Variants in PRKAR2B observed in about 807,000 individuals in gnomAD.
PRKAR2B encodes cAMP-dependent protein kinase type II-beta regulatory subunit.
A neutral mutation model predicts 49.9 loss-of-function variants in PRKAR2B; 14 were observed. That is an observed-to-expected ratio of 0.28 (90% CI 0.19 to 0.44). The LOEUF is 0.44. PRKAR2B is among the 20% of genes least tolerant of loss of function. The probability of loss-of-function intolerance (pLI) is 1.00; values close to 1 mark genes in which losing one functional copy is unlikely to be tolerated. For missense variants in PRKAR2B, 393 were observed against 537.9 expected (o/e 0.73, Z 2.67); for synonymous variants, 196 against 197.7 (o/e 0.99, Z 0.07).
intron 5 of PRKAR2B, 22 bp downstream of exon 5, chr7:107,140,975 T>C (rs1795780964): frequency 6.5e-7 from 1 of 1,533,752 alleles, no homozygotes; most frequent in African/African-American, 1.4e-5. Context: ...CCAACCTTAC[T>C]ATTGAAATTG....
intron 2 of PRKAR2B, among the ~76,000 whole-genome samples, chr7:107,074,935 A>G (rs974602231): frequency 2.6e-5 from 4 of 152,096 alleles, no homozygotes; most frequent in Admixed American, 2.6e-4. Flanking sequence ...AAAAGATCCT[A>G]GGGTTTGAAG....
chr7:107,060,262 G>C (rs1794000921), intron 1 of PRKAR2B, among the ~76,000 whole-genome samples: 1 of 152,132 alleles, frequency 6.6e-6, no homozygotes, highest in South Asian at 2.1e-4. Flanking sequence ...AGTGTGGAAA[G>C]GTTGATTGTA....
At chr7:107,094,225 C>A (rs1392238057) in intron 2 of PRKAR2B, among the ~76,000 whole-genome samples, 1 of 152,170 alleles carries the variant, frequency 6.6e-6, no homozygotes, top group Non-Finnish European at 1.5e-5. Context: ...GAGATGGTAT[C>A]TCATTGTGGT....
At chr7:107,141,520 G>T (rs187096910) in intron 5 of PRKAR2B, among the ~76,000 whole-genome samples, 2 of 152,132 alleles carry the variant, frequency 1.3e-5, no homozygotes, top group Admixed American at 1.3e-4. Context: ...GTGAAACCCC[G>T]TCTCTACTAA....
rs1796180234 is a variant in PRKAR2B at position 107,160,592 on chromosome 7, T to C, written c.*1010T>C. 1 of 152,204 alleles carries C rather than the reference T, an allele frequency of 6.6e-6. No homozygotes were observed. The highest frequency in any genetic ancestry group is 1.5e-5 in the Non-Finnish European group (1 of 68,020). The allele number at this position is 152,204 out of a possible 1,614,324, so 9.4% of individuals were successfully genotyped here. ...CTTGGGTTTCCGTTCTTTCTTAGGA[T>C]GGTTGCCAACCCACAATCTCATTGA... On this transcript the variant is annotated 3_prime_UTR_variant, in exon 11 of 11. Transcript: ENST00000265717.
intron 3 of PRKAR2B, among the ~76,000 whole-genome samples, chr7:107,127,237 C>T (rs1795513592): frequency 1.3e-5 from 2 of 152,176 alleles, no homozygotes; most frequent in Admixed American, 1.3e-4. Flanking sequence ...AAGGTACCTG[C>T]CCATCAGCTC....
chr7:107,111,984 T>C lies in PRKAR2B; in HGVS notation c.344-9968T>C, dbSNP rs562708974. The stretch of plus-strand genomic sequence containing the variant: ...GAATTCATGACCAGCCTAAGCAATA[T>C]AGCAAGAGCCTCCTCTACCAAAAAA... On this transcript the variant is annotated intron_variant, in intron 2 of 10. Coordinates refer to ENST00000265717, the MANE Select transcript of PRKAR2B (RefSeq NM_002736.3). Among the ~76,000 whole-genome samples, 266 of 106,624 alleles carry C rather than the reference T, an allele frequency of 2.5e-3. 1 individual carries two copies. The highest frequency in any genetic ancestry group is 9.3e-3 in the African/African-American group (252 of 27,058). The allele number at this position is 106,624 out of a possible 152,430, so 69.9% of individuals were successfully genotyped here.
At chr7:107,048,278 C>T (rs1179978752) in intron 1 of PRKAR2B, among the ~76,000 whole-genome samples, 5 of 152,234 alleles carry the variant, frequency 3.3e-5, no homozygotes, top group Admixed American at 2.0e-4. Flanking sequence ...ACACATAAAA[C>T]GAGTAAGTAG....
At chr7:107,114,750 T>C (rs1795240685) in intron 2 of PRKAR2B, among the ~76,000 whole-genome samples, 2 of 152,088 alleles carry the variant, frequency 1.3e-5, no homozygotes, top group African/African-American at 4.8e-5. Flanking sequence ...TTGCTGCTTA[T>C]TTATGTATTT....
intron 2 of PRKAR2B, chr7:107,078,318 G>A (rs1170847661): frequency 6.6e-6 from 1 of 152,342 alleles, no homozygotes. Context: ...TCAAGGGTCA[G>A]AAAGAGAATT....
chr7:107,151,139 A>G (rs754847467), intron 7 of PRKAR2B, 116 bp downstream of exon 7: 11 of 553,754 alleles, frequency 2.0e-5, no homozygotes, highest in Non-Finnish European at 3.3e-5. Context: ...CCATGTTTTT[A>G]TTTGAAAAGA....
chr7:107,086,944 T>C (rs942197643), intron 2 of PRKAR2B, among the ~76,000 whole-genome samples: 7 of 152,162 alleles, frequency 4.6e-5, no homozygotes, highest in Non-Finnish European at 1.5e-5. Flanking sequence ...ACAACTATTG[T>C]TTAACACAAA....
At chr7:107,110,511 CT>C (rs1300877356) in intron 2 of PRKAR2B, among the ~76,000 whole-genome samples, 47 of 151,740 alleles carry the variant, frequency 3.1e-4, no homozygotes, top group African/African-American at 1.1e-3. Context: ...CCCTTTTCTT[CT>C]GCTTGAAGAG....
At chr7:107,083,724 T>C (rs1225811805) in intron 2 of PRKAR2B, among the ~76,000 whole-genome samples, 1 of 152,094 alleles carries the variant, frequency 6.6e-6, no homozygotes, top group African/African-American at 2.4e-5. Flanking sequence ...GTGACTGTCC[T>C]GCCTCAGCGT....
chr7:107,059,667 C>G (rs1793987219), intron 1 of PRKAR2B, among the ~76,000 whole-genome samples: 1 of 150,038 alleles, frequency 6.7e-6, no homozygotes, highest in South Asian at 2.1e-4. Flanking sequence ...TTTGGTTGTT[C>G]CCAATTTTTT....
chr7:107,104,400 C>A (rs1217523590), intron 2 of PRKAR2B, among the ~76,000 whole-genome samples: 1 of 152,142 alleles, frequency 6.6e-6, no homozygotes, highest in Non-Finnish European at 1.5e-5. Flanking sequence ...AGAATGAATT[C>A]TTTTCATTCC....
At chr7:107,078,217 A>T (rs922785760) in intron 2 of PRKAR2B, 1 of 145,606 alleles carries the variant, frequency 6.9e-6, no homozygotes, top group African/African-American at 2.7e-5. Context: ...AAAAAAAAAA[A>T]GAAAAAAGAA....
At position 107,159,437 on chromosome 7, in the gene PRKAR2B, C is replaced by T; in HGVS notation, c.1124-12C>T. The T allele has an allele frequency of 6.2e-7, 1 of 1,610,798 alleles. No individual in the cohort carries two copies. The highest frequency in any genetic ancestry group is 1.7e-4 in the Middle Eastern group (1 of 6,048). On this transcript the variant is annotated splice_polypyrimidine_tract_variant and intron_variant, in intron 10 of 10. Transcript: ENST00000265717. ...AGAATGTTATTTAAAAAAAAATCTT[C>T]TCTTTTCTCAGCAATGGATGTGCAA...
Position 107,160,695 on chromosome 7 carries a change from G to A in PRKAR2B, c.*1113G>A, listed in dbSNP as rs763461917. The A allele has an allele frequency of 3.3e-5, 5 of 151,980 alleles. No homozygotes were observed. The highest frequency in any genetic ancestry group is 9.7e-5 in the African/African-American group (4 of 41,378). 9.4% of individuals were successfully genotyped at this position (151,980 alleles called of 1,614,324 possible). A position where few individuals can be genotyped will look rare whatever the true frequency, so the allele number is the denominator to read the frequency against. On this transcript the variant is annotated 3_prime_UTR_variant, in exon 11 of 11. Coordinates refer to ENST00000265717, the MANE Select transcript of PRKAR2B (RefSeq NM_002736.3). Reference sequence around the variant, plus strand: ...TAGAGGAATAGAAACAAATTTTTATGAGCATAACCCTATATAAAGACAAAA... The same window carrying A: ...TAGAGGAATAGAAACAAATTTTTATAAGCATAACCCTATATAAAGACAAAA...
Sources: allele counts gnomAD v4.1 joint callset (sites outside exome capture counted in the v4.1 genomes callset), GRCh38; gene constraint gnomAD v4.1.1; transcripts MANE v1.5; gene names NCBI Gene and HGNC (gene_info 2026-07-23, HGNC 2026-07-21).